Variants in ARHGAP32 observed in about 807,000 individuals in gnomAD.
ARHGAP32 encodes Rho GTPase activating protein 32, also known as rho GTPase-activating protein 32.
A neutral mutation model predicts 186.5 loss-of-function variants in ARHGAP32; 51 were observed. That is an observed-to-expected ratio of 0.27 (90% confidence interval 0.22 to 0.35). ARHGAP32 has a LOEUF of 0.35. Ranked by LOEUF, ARHGAP32 falls within the 10% of genes least tolerant of loss-of-function variation. ARHGAP32 has a pLI of 1.00. For missense variants in ARHGAP32, 2,186 were observed against 2,623.5 expected, an observed-to-expected ratio of 0.83 and a Z score of 3.64; for synonymous variants, 950 against 964.3, an observed-to-expected ratio of 0.99 and a Z score of 0.27.
At chr11:129,024,226 A>G in intron 11 of ARHGAP32, 2 of 960,228 alleles carry the variant, frequency 2.1e-6, no homozygotes, top group Non-Finnish European at 2.5e-6. Context: ...GCCTAAACTC[A>G]CACTTGCAGA....
chr11:129,277,133 G>C (rs1410405349), intron 1 of ARHGAP32, among the ~76,000 whole-genome samples: 1 of 152,116 alleles, frequency 6.6e-6, no homozygotes, highest in Non-Finnish European at 1.5e-5. Flanking sequence ...TCAACATACA[G>C]TGTGCAGATA....
At chr11:129,222,969 A>G (rs757689373) in intron 1 of ARHGAP32, among the ~76,000 whole-genome samples, 8 of 152,182 alleles carry the variant, frequency 5.3e-5, no homozygotes, top group Non-Finnish European at 1.2e-4. Context: ...CAAGTGGTAT[A>G]TATTGTTTTA....
rs1432366628 is a variant in ARHGAP32 at position 129,219,914 on chromosome 11, T to C, written c.-4-55487A>G. 2.0e-5 allele frequency among the ~76,000 whole-genome samples: 3 copies of C among 152,176 alleles called. No homozygotes were observed. In the East Asian group the frequency reaches 5.8e-4, roughly 29 times the overall value. On this transcript the variant is annotated intron_variant, in intron 1 of 6. Transcript: ENST00000525234. ...ATCCCACATAATTAGTCTGCCAGGCTTCAAGCAGAATAATCCATAACCATC... is the reference window on the plus strand; with the variant it reads ...ATCCCACATAATTAGTCTGCCAGGCCTCAAGCAGAATAATCCATAACCATC...
chr11:129,055,654 T>G (rs1940220391), intron 10 of ARHGAP32, among the ~76,000 whole-genome samples: 1 of 152,138 alleles, frequency 6.6e-6, no homozygotes, highest in Non-Finnish European at 1.5e-5. Context: ...TAAATGCATA[T>G]TACTAAGTAA....
At chr11:129,208,131 T>A (rs1944538924) in intron 1 of ARHGAP32, among the ~76,000 whole-genome samples, 1 of 152,200 alleles carries the variant, frequency 6.6e-6, no homozygotes, top group Admixed American at 6.5e-5. Flanking sequence ...CGAAATATCC[T>A]TAAAGTAGAG....
chr11:128,982,865 T>C (rs1330061555), intron 15 of ARHGAP32, among the ~76,000 whole-genome samples: 1 of 126,794 alleles, frequency 7.9e-6, no homozygotes, highest in Non-Finnish European at 1.6e-5. Flanking sequence ...CACTCCAGCC[T>C]GGGTGACAGA....
chr11:129,178,810 TTAAA>T (rs1943981181), intron 1 of ARHGAP32, among the ~76,000 whole-genome samples: 1 of 150,268 alleles, frequency 6.7e-6, no homozygotes, highest in Non-Finnish European at 1.5e-5. Flanking sequence ...GATTAAAGAC[TTAAA>T]TATTAGACCT....
intron 10 of ARHGAP32, among the ~76,000 whole-genome samples, chr11:129,060,188 C>G (rs1940432620): frequency 6.6e-6 from 1 of 152,038 alleles, no homozygotes; most frequent in Non-Finnish European, 1.5e-5. Context: ...ACAATCAGTA[C>G]TGAATAAATA....
intron 1 of ARHGAP32, among the ~76,000 whole-genome samples, chr11:129,237,023 T>C (rs748129383): frequency 2.6e-5 from 4 of 152,248 alleles, no homozygotes; most frequent in Non-Finnish European, 5.9e-5. Flanking sequence ...ATTTCCATTT[T>C]TCATTCTGCT....
chr11:129,034,792 C>T (rs1939260743), intron 11 of ARHGAP32, among the ~76,000 whole-genome samples: 1 of 145,650 alleles, frequency 6.9e-6, no homozygotes, highest in Non-Finnish European at 1.5e-5. Context: ...TGCACTCTGG[C>T]CTGGGAGACA....
chr11:129,086,158 A>T (rs956346664), intron 6 of ARHGAP32, among the ~76,000 whole-genome samples: 2 of 152,218 alleles, frequency 1.3e-5, no homozygotes, highest in Non-Finnish European at 2.9e-5. Context: ...TTGACTAGGG[A>T]ACAAAGGCAA....
intron 1 of ARHGAP32, among the ~76,000 whole-genome samples, chr11:129,233,030 A>G (rs1170419714): frequency 6.6e-6 from 1 of 152,208 alleles, no homozygotes; most frequent in Non-Finnish European, 1.5e-5. Context: ...TGTACACTTA[A>G]GACATGAATT....
chr11:129,063,165 A>C (rs1047829031), intron 9 of ARHGAP32, among the ~76,000 whole-genome samples: 1 of 152,140 alleles, frequency 6.6e-6, no homozygotes, highest in Non-Finnish European at 1.5e-5. Context: ...TTCACAACTG[A>C]TCTTACATAT....
intron 5 of ARHGAP32, among the ~76,000 whole-genome samples, chr11:129,104,172 A>T (rs1437963294): frequency 6.6e-6 from 1 of 152,128 alleles, no homozygotes; most frequent in Non-Finnish European, 1.5e-5. Context: ...ACCAAAAAAA[A>T]TTTCTAAAAT....
At chr11:129,262,099 T>C (rs1184646065) in intron 1 of ARHGAP32, among the ~76,000 whole-genome samples, 1 of 152,172 alleles carries the variant, frequency 6.6e-6, no homozygotes, top group Non-Finnish European at 1.5e-5. Flanking sequence ...AATATTTACT[T>C]ATGAAAGAAT....
At chr11:129,158,850 A>C (rs998909244) in intron 2 of ARHGAP32, among the ~76,000 whole-genome samples, 1 of 151,958 alleles carries the variant, frequency 6.6e-6, no homozygotes, top group Admixed American at 6.6e-5. Flanking sequence ...AATGGAAATC[A>C]TAACAGTCTC....
chr11:129,157,063 C>A (rs1160948065), intron 2 of ARHGAP32, among the ~76,000 whole-genome samples: 1 of 152,122 alleles, frequency 6.6e-6, no homozygotes, highest in East Asian at 1.9e-4. Flanking sequence ...CACACATAAA[C>A]CCCATCCAAA....
intron 2 of ARHGAP32, among the ~76,000 whole-genome samples, chr11:129,143,184 C>T (rs973511677): frequency 6.6e-6 from 1 of 151,638 alleles, no homozygotes; most frequent in African/African-American, 2.4e-5. Context: ...ATAAGAAACA[C>T]ACATAATGAA....
intron 1 of ARHGAP32, among the ~76,000 whole-genome samples, chr11:129,177,739 C>T (rs1197391842): frequency 6.6e-6 from 1 of 152,116 alleles, no homozygotes; most frequent in Non-Finnish European, 1.5e-5. Flanking sequence ...ATTCAACAGC[C>T]CTTCATGCTA....
Sources: allele counts gnomAD v4.1 joint callset (sites outside exome capture counted in the v4.1 genomes callset), GRCh38; gene constraint gnomAD v4.1.1; transcripts MANE v1.5; gene names NCBI Gene and HGNC (gene_info 2026-07-23, HGNC 2026-07-21).